MAPRE2: variants seen among roughly 807,000 people sequenced by gnomAD.
The protein encoded by MAPRE2 is microtubule-associated protein RP/EB family member 2.
MAPRE2 carries 13 observed loss-of-function variants against 43.2 expected under a neutral mutation model. The observed-to-expected ratio is 0.30, with a 90% CI of 0.20 to 0.48. The LOEUF is 0.48. MAPRE2 is among the 20% of genes least tolerant of loss of function. The pLI, the probability that MAPRE2 is intolerant of heterozygous loss-of-function variation, is 0.99. For missense variants in MAPRE2, 161 were observed against 400.2 expected, an observed-to-expected ratio of 0.40 and a Z score of 5.10; for synonymous variants, 135 against 148.8, an observed-to-expected ratio of 0.91 and a Z score of 0.68.
intron 1 of MAPRE2, among the ~76,000 whole-genome samples, chr18:34,985,583 AAACT>A (rs1438234164): frequency 4.8e-5 from 4 of 82,626 alleles, no homozygotes; most frequent in African/African-American, 9.7e-5. Context: ...TATAAACTAT[AAACT>A]ATAATATATA....
chr18:35,025,274 G>A (rs2097044432), intron 2 of MAPRE2, among the ~76,000 whole-genome samples: 1 of 152,234 alleles, frequency 6.6e-6, no homozygotes, highest in South Asian at 2.1e-4. Context: ...ATGTGAAGCT[G>A]CTGTTCAGCC....
chr18:35,020,420 G>C (rs1297488513), intron 2 of MAPRE2, among the ~76,000 whole-genome samples: 1 of 152,030 alleles, frequency 6.6e-6, no homozygotes, highest in African/African-American at 2.4e-5. Flanking sequence ...CGCCCTTGGT[G>C]AGTGCCATGT....
At chr18:35,013,444 G>C (rs1273251867) in intron 2 of MAPRE2, among the ~76,000 whole-genome samples, 2 of 152,092 alleles carry the variant, frequency 1.3e-5, no homozygotes, top group Non-Finnish European at 2.9e-5. Flanking sequence ...GTGATGTTTT[G>C]ATATGTATAA....
At chr18:35,109,025 G>A (rs544970678) in intron 4 of MAPRE2, among the ~76,000 whole-genome samples, 27 of 152,174 alleles carry the variant, frequency 1.8e-4, no homozygotes, top group Admixed American at 1.4e-3. Context: ...TGCTTTTGGC[G>A]TTTTTGTCAT....
chr18:35,018,956 C>T (rs1412856884), intron 2 of MAPRE2, among the ~76,000 whole-genome samples: 1 of 151,878 alleles, frequency 6.6e-6, no homozygotes, highest in Non-Finnish European at 1.5e-5. Context: ...AGGCATTTAG[C>T]ACTATAGACT....
intron 2 of MAPRE2, among the ~76,000 whole-genome samples, chr18:35,013,197 A>C (rs189226098): frequency 1.3e-5 from 2 of 152,260 alleles, no homozygotes; most frequent in East Asian, 3.9e-4. Context: ...GAAATTGAGA[A>C]GTGGAAAGGG....
chr18:35,066,753 C>T (rs1906855363), intron 1 of MAPRE2, among the ~76,000 whole-genome samples: 6 of 152,180 alleles, frequency 3.9e-5, no homozygotes, highest in Admixed American at 3.3e-4. Context: ...GAAAGTGAGT[C>T]CAGACTCAGA....
At chr18:35,002,831 A>G (rs2097030025) in intron 1 of MAPRE2, among the ~76,000 whole-genome samples, 2 of 152,086 alleles carry the variant, frequency 1.3e-5, no homozygotes, top group South Asian at 2.1e-4. Flanking sequence ...TGGGCTTGCA[A>G]ATACTTTCTT....
chr18:35,081,858 A>G lies in MAPRE2; in HGVS notation c.250+11536A>G, dbSNP rs75621722. ...AAAGCCTCTCTGTGGGCTGCCATACATAGAGTTCATGTAGTGGCCTGGCCT... is the reference window on the plus strand; with the variant it reads ...AAAGCCTCTCTGTGGGCTGCCATACGTAGAGTTCATGTAGTGGCCTGGCCT... On this transcript the variant is annotated intron_variant, in intron 2 of 6. Coordinates refer to ENST00000300249, the MANE Select transcript of MAPRE2 (RefSeq NM_014268.4). Among the ~76,000 whole-genome samples the G allele has an allele frequency of 4.3e-3, 655 of 152,198 alleles. 2 individuals carry two copies. Among genetic ancestry groups the G allele is most frequent in the African/African-American group, 0.015 (618 of 41,518 alleles).
At chr18:35,027,034 T>C (rs1482696495) in intron 2 of MAPRE2, among the ~76,000 whole-genome samples, 1 of 152,244 alleles carries the variant, frequency 6.6e-6, no homozygotes, top group East Asian at 1.9e-4. Context: ...CAAGTTGATT[T>C]TGAAACTCCG....
intron 1 of MAPRE2, among the ~76,000 whole-genome samples, chr18:34,980,291 C>T (rs1390527188): frequency 6.6e-6 from 1 of 152,084 alleles, no homozygotes; most frequent in Non-Finnish European, 1.5e-5. Flanking sequence ...TCCCAAACTG[C>T]TGGGATTACA....
At chr18:35,128,425 C>G (rs1171868015) in intron 5 of MAPRE2, among the ~76,000 whole-genome samples, 2 of 152,142 alleles carry the variant, frequency 1.3e-5, no homozygotes. Context: ...CATGGGTTAC[C>G]ACATCTGCAC....
chr18:35,050,371 A>ACATTAAAC (rs1905873503), intron 1 of MAPRE2, among the ~76,000 whole-genome samples: 2 of 152,346 alleles, frequency 1.3e-5, no homozygotes, highest in South Asian at 4.1e-4. Flanking sequence ...TACCATTCTT[A>ACATTAAAC]CATTAAACAT....
chr18:34,991,455 G>C (rs982205506), intron 1 of MAPRE2, among the ~76,000 whole-genome samples: 7 of 152,180 alleles, frequency 4.6e-5, no homozygotes, highest in Admixed American at 4.6e-4. Flanking sequence ...AAAGGAACGA[G>C]AGGCTCCTGG....
chr18:35,099,336 T>A (rs1908568569), intron 3 of MAPRE2, among the ~76,000 whole-genome samples: 1 of 152,244 alleles, frequency 6.6e-6, no homozygotes, highest in Non-Finnish European at 1.5e-5. Context: ...CAATTGAGGC[T>A]GAGCACAGTG....
rs1277934395 is a variant in MAPRE2, at chr18:35,044,208, A to G, written c.122+2547A>G. The stretch of plus-strand genomic sequence containing the variant: ...TATTGACTTCTAGGTAGGCCCCCGA[A>G]CAGGTCTTTATCTTAGGCTTTCTTT... On this transcript the variant is annotated intron_variant, in intron 1 of 6. Transcript: ENST00000300249. 2.0e-5 allele frequency among the ~76,000 whole-genome samples: 3 copies of G among 152,150 alleles called. No homozygotes were observed. The East Asian group carries it at 5.8e-4, about 29-fold the overall frequency.
At chr18:35,067,084 G>A (rs766253598) in intron 1 of MAPRE2, among the ~76,000 whole-genome samples, 2 of 152,150 alleles carry the variant, frequency 1.3e-5, no homozygotes, top group South Asian at 2.1e-4. Flanking sequence ...TTATCCCACA[G>A]GTCCCTTAAC....
At chr18:35,106,794 A>G (rs1908929438) in intron 4 of MAPRE2, among the ~76,000 whole-genome samples, 1 of 152,156 alleles carries the variant, frequency 6.6e-6, no homozygotes, top group South Asian at 2.1e-4. Context: ...TTTATTGTCT[A>G]CATTCTGAGG....
intron 2 of MAPRE2, among the ~76,000 whole-genome samples, chr18:35,088,390 G>A (rs1907977885): frequency 6.6e-6 from 1 of 152,176 alleles, no homozygotes; most frequent in Admixed American, 6.5e-5. Context: ...CATGAAGGGA[G>A]CTTCCTAAAA....
Sources: allele counts gnomAD v4.1 joint callset (sites outside exome capture counted in the v4.1 genomes callset), GRCh38; gene constraint gnomAD v4.1.1; transcripts MANE v1.5; gene names NCBI Gene and HGNC (gene_info 2026-07-23, HGNC 2026-07-21).